The following FAM169A variants were observed in gnomAD, a reference collection of about 807,000 sequenced individuals.
FAM169A encodes the protein family with sequence similarity 169 member A, also known as soluble lamin-associated protein of 75 kDa.
A neutral mutation model predicts 75.7 loss-of-function variants in FAM169A; 24 were observed. The ratio of observed to expected loss-of-function variants is 0.32; its 90% confidence interval spans 0.23 to 0.45. The LOEUF is 0.45. Among genes scored for constraint, FAM169A ranks in the 20% least tolerant of loss-of-function variants. The pLI, the probability that FAM169A is intolerant of heterozygous loss-of-function variation, is 1.00. For missense variants in FAM169A, 673 were observed against 784.0 expected (o/e 0.86, Z 1.69); for synonymous variants, 271 against 271.0 (o/e 1.00, Z 0.00).
intron 9 of FAM169A, 77 bp downstream of exon 9, chr5:74,801,513 A>T: frequency 1.8e-6 from 2 of 1,099,624 alleles, no homozygotes; most frequent in Non-Finnish European, 2.8e-6. Context: ...CCACACACAC[A>T]TGCATGCACA....
At chr5:74,810,237 T>C (rs1223791398) in intron 6 of FAM169A, among the ~76,000 whole-genome samples, 3 of 152,206 alleles carry the variant, frequency 2.0e-5, no homozygotes, top group Non-Finnish European at 4.4e-5. Flanking sequence ...TATTTCCATT[T>C]TTCATGAAAC....
chr5:74,817,319 CAAAACTATT>C (rs1747522228), intron 5 of FAM169A, among the ~76,000 whole-genome samples: 1 of 151,682 alleles, frequency 6.6e-6, no homozygotes, highest in African/African-American at 2.4e-5. Context: ...ACTTAAAAAA[CAAAACTATT>C]AAAACTATTA....
rs1745276177 is a variant in FAM169A at position 74,779,086 on chromosome 5, AG to A, written c.*2373del. On this transcript the variant is annotated 3_prime_UTR_variant, in exon 13 of 13. Coordinates refer to ENST00000687041, the MANE Select transcript of FAM169A (RefSeq NM_001376049.1). ...ATTTCTGTCAGAGAGAATCTGTAAC[AG>A]AAGTGTTCTTGTGTGCTGAACAAAA... The A allele has an allele frequency of 1.3e-5, 2 of 152,170 alleles. No individual in the cohort carries two copies. Among genetic ancestry groups the A allele is most frequent in the African/African-American group, 2.4e-5 (1 of 41,470 alleles). The allele number at this position is 152,170 out of a possible 1,614,324, so 9.4% of individuals were successfully genotyped here.
At chr5:74,846,459 ATTTC>A (rs1749160925) in intron 1 of FAM169A, among the ~76,000 whole-genome samples, 1 of 152,324 alleles carries the variant, frequency 6.6e-6, no homozygotes, top group African/African-American at 2.4e-5. Flanking sequence ...TTCACAAGTG[ATTTC>A]TTTTTCACTT....
intron 3 of FAM169A, 56 bp downstream of exon 3, chr5:74,840,017 AT>A: frequency 1.1e-6 from 1 of 896,758 alleles, no homozygotes; most frequent in Non-Finnish European, 1.7e-6. Flanking sequence ...TTTTAAATAA[AT>A]TTCTAACAGT....
At chr5:74,800,240 T>G (rs1188336597) in intron 10 of FAM169A, 1 of 233,820 alleles carries the variant, frequency 4.3e-6, no homozygotes, top group Non-Finnish European at 8.2e-6. Context: ...AAATGTTGGT[T>G]TTTTAAAAGC....
chr5:74,846,725 C>G (rs1185885572), intron 1 of FAM169A, among the ~76,000 whole-genome samples: 1 of 152,134 alleles, frequency 6.6e-6, no homozygotes, highest in Non-Finnish European at 1.5e-5. Flanking sequence ...CTATCGCACC[C>G]AGCTAGTCTG....
At chr5:74,798,262 T>A (rs1385752402) in intron 10 of FAM169A, among the ~76,000 whole-genome samples, 1 of 152,238 alleles carries the variant, frequency 6.6e-6, no homozygotes, top group Non-Finnish European at 1.5e-5. Flanking sequence ...AGGGCAAAGA[T>A]GATGTTTTGT....
chr5:74,795,946 G>T, intron 11 of FAM169A, 84 bp downstream of exon 11: 2 of 1,389,862 alleles, frequency 1.4e-6, no homozygotes, highest in Non-Finnish European at 2.0e-6. Flanking sequence ...AAAATATATC[G>T]CTATACTTTT....
At chr5:74,847,563 C>A (rs1749219051) in intron 1 of FAM169A, among the ~76,000 whole-genome samples, 1 of 152,028 alleles carries the variant, frequency 6.6e-6, no homozygotes, top group Non-Finnish European at 1.5e-5. Context: ...TATGAAACCA[C>A]CAATTTGGTA....
At chr5:74,796,250 T>C (rs1746268500) in intron 10 of FAM169A, 64 bp from the exon 11 acceptor site, 2 of 1,450,564 alleles carry the variant, frequency 1.4e-6, no homozygotes, top group South Asian at 1.3e-5. Context: ...ATCTCAGAAG[T>C]CCTTTCTTAA....
At chr5:74,844,755 T>C (rs1351461900) in intron 1 of FAM169A, among the ~76,000 whole-genome samples, 1 of 152,114 alleles carries the variant, frequency 6.6e-6, no homozygotes, top group South Asian at 2.1e-4. Flanking sequence ...AGGTGGAGTG[T>C]ACGGTGAGCC....
At chr5:74,794,795 AC>A (rs1746181149) in intron 11 of FAM169A, among the ~76,000 whole-genome samples, 4 of 151,256 alleles carry the variant, frequency 2.6e-5, no homozygotes, top group Non-Finnish European at 3.0e-5. Context: ...AAAAAAAAAA[AC>A]AAACACAAAA....
chr5:74,791,104 A>T lies in FAM169A; in HGVS notation c.1260+4926T>A, dbSNP rs545312641. On this transcript the variant is annotated intron_variant, in intron 11 of 12. Transcript: ENST00000687041. ...CAGTGGGCTCATGCTCATGGAATTC[A>T]CTATTCTTACCATGTTCCCCATCAT... Among the ~76,000 whole-genome samples the T allele has an allele frequency of 3.9e-4, 60 of 152,282 alleles. 1 individual carries two copies. In the South Asian group the frequency reaches 0.012, roughly 30 times the overall value.
chr5:74,825,161 C>T (rs1470583721), intron 5 of FAM169A, among the ~76,000 whole-genome samples: 1 of 152,112 alleles, frequency 6.6e-6, no homozygotes, highest in East Asian at 1.9e-4. Context: ...CCAAAGTCTC[C>T]AGTAACTATG....
intron 11 of FAM169A, among the ~76,000 whole-genome samples, chr5:74,795,103 C>CT (rs1326660104): frequency 6.6e-6 from 1 of 151,878 alleles, no homozygotes; most frequent in Admixed American, 6.6e-5. Flanking sequence ...ACTAAAAATA[C>CT]AAAAATTAGC....
At chr5:74,857,863 A>G (rs924200587) in intron 1 of FAM169A, among the ~76,000 whole-genome samples, 1 of 152,162 alleles carries the variant, frequency 6.6e-6, no homozygotes, top group Admixed American at 6.5e-5. Flanking sequence ...CACAGGCACA[A>G]GAACTTCCCT....
intron 5 of FAM169A, among the ~76,000 whole-genome samples, chr5:74,832,540 TC>T (rs1310267102): frequency 6.6e-6 from 1 of 151,244 alleles, no homozygotes; most frequent in African/African-American, 2.4e-5. Context: ...AAAGATTTTA[TC>T]TTTTTGCTAC....
At chr5:74,863,813 TATA>T (rs1339242192) in intron 1 of FAM169A, among the ~76,000 whole-genome samples, 1 of 152,142 alleles carries the variant, frequency 6.6e-6, no homozygotes, top group African/African-American at 2.4e-5. Context: ...CTCTGACTTG[TATA>T]ATAACAGAAT....
Sources: gnomAD v4.1 joint callset for allele counts (sites outside exome capture counted in the v4.1 genomes callset) on GRCh38, gnomAD v4.1.1 for gene constraint, MANE v1.5 for transcripts, NCBI Gene and HGNC (gene_info 2026-07-23, HGNC 2026-07-21) for gene names.